ARB2A: variants seen among roughly 807,000 people sequenced by gnomAD.
ARB2A encodes the protein ARB2 cotranscriptional regulator A, also known as cotranscriptional regulator ARB2A.
the ARB2A span, among the ~76,000 whole-genome samples, chr5:93,916,280 T>C: frequency 6.6e-6 from 1 of 152,042 alleles, no homozygotes; most frequent in Non-Finnish European, 1.5e-5. Context: ...ATCAGGGCAA[T>C]AACTAAGTGA....
the ARB2A span, among the ~76,000 whole-genome samples, chr5:94,016,825 G>A: frequency 2.0e-5 from 3 of 152,334 alleles, no homozygotes; most frequent in African/African-American, 7.2e-5. Flanking sequence ...CACAAGTCAG[G>A]TAGGGATTGG....
At chr5:93,766,841 A>G in the ARB2A span, among the ~76,000 whole-genome samples, 4 of 152,166 alleles carry the variant, frequency 2.6e-5, no homozygotes, top group Non-Finnish European at 4.4e-5. Context: ...CATATACACC[A>G]TGGAATACCA....
chr5:94,105,768 GAAAAAAAA>G, the ARB2A span, among the ~76,000 whole-genome samples: 2 of 129,940 alleles, frequency 1.5e-5, no homozygotes, highest in Admixed American at 7.8e-5. Flanking sequence ...CATGGTACTG[GAAAAAAAA>G]AAAAAACAGA....
the ARB2A span, among the ~76,000 whole-genome samples, chr5:94,003,786 G>A: frequency 2.4e-4 from 36 of 152,090 alleles, no homozygotes; most frequent in African/African-American, 8.4e-4. Flanking sequence ...CTGTAAATGG[G>A]TAAGTTAATG....
chr5:93,759,480 C>T, the ARB2A span, among the ~76,000 whole-genome samples: 27,535 of 152,112 alleles, frequency 0.18, 2,851 homozygotes, highest in Middle Eastern at 0.28. Context: ...TTGACGAACA[C>T]AGATGCTAAA....
At chr5:93,697,386 ATTCT>A in the ARB2A span, among the ~76,000 whole-genome samples, 1 of 152,118 alleles carries the variant, frequency 6.6e-6, no homozygotes, top group Non-Finnish European at 1.5e-5. Flanking sequence ...TTGTTTAAAC[ATTCT>A]TTCTTATTAA....
chr5:93,926,635 T>C, the ARB2A span, among the ~76,000 whole-genome samples: 4 of 152,006 alleles, frequency 2.6e-5, no homozygotes, highest in Non-Finnish European at 5.9e-5. Context: ...AGATGAGCTA[T>C]GGTGGATGCG....
the ARB2A span, chr5:93,805,145 T>C: frequency 4.4e-5 from 43 of 983,902 alleles, no homozygotes; most frequent in Non-Finnish European, 5.1e-5. Context: ...ACAAACATGG[T>C]AACTTCTAGA....
At chr5:94,057,107 C>CG in the ARB2A span, among the ~76,000 whole-genome samples, 1 of 152,212 alleles carries the variant, frequency 6.6e-6, no homozygotes, top group Admixed American at 6.5e-5. Flanking sequence ...TTGAACTTTA[C>CG]TGTCAGCTCT....
At chr5:94,033,261 T>C in the ARB2A span, among the ~76,000 whole-genome samples, 1 of 152,174 alleles carries the variant, frequency 6.6e-6, no homozygotes, top group Non-Finnish European at 1.5e-5. Flanking sequence ...TGTTCTGCCA[T>C]TGTATTTTGG....
chr5:93,765,882 T>G, the ARB2A span, among the ~76,000 whole-genome samples: 1 of 152,068 alleles, frequency 6.6e-6, no homozygotes, highest in Admixed American at 6.6e-5. Flanking sequence ...GAAATAATGC[T>G]GCATATCTAC....
the ARB2A span, chr5:93,683,798 C>G: frequency 8.4e-7 from 1 of 1,197,146 alleles, no homozygotes; most frequent in Non-Finnish European, 1.2e-6. Flanking sequence ...CCGCGCAGGA[C>G]GGAATCACAC....
At chr5:94,013,194 T>C in the ARB2A span, among the ~76,000 whole-genome samples, 3 of 144,790 alleles carry the variant, frequency 2.1e-5, no homozygotes, top group East Asian at 3.9e-4. Flanking sequence ...TTTTTTTTTT[T>C]CTGAGACAGA....
the ARB2A span, among the ~76,000 whole-genome samples, chr5:93,864,064 G>A: frequency 6.6e-6 from 1 of 152,090 alleles, no homozygotes; most frequent in African/African-American, 2.4e-5. Context: ...CCTAACAAAT[G>A]TCAATAGTAT....
chr5:94,008,868 C>T, the ARB2A span, among the ~76,000 whole-genome samples: 1 of 152,076 alleles, frequency 6.6e-6, no homozygotes. Flanking sequence ...ACCAATTTAG[C>T]TCACAATGTG....
chr5:93,636,489 G>T, the ARB2A span, among the ~76,000 whole-genome samples: 2 of 152,136 alleles, frequency 1.3e-5, no homozygotes, highest in Admixed American at 6.6e-5. Flanking sequence ...TCCTTCACCC[G>T]CCTTCTTCCC....
chr5:93,964,916 G>A, the ARB2A span, among the ~76,000 whole-genome samples: 1 of 151,676 alleles, frequency 6.6e-6, no homozygotes, highest in Non-Finnish European at 1.5e-5. Context: ...CACCTCTTTT[G>A]TGTTCACTGA....
the ARB2A span, chr5:93,860,593 G>T: frequency 6.6e-6 from 1 of 151,376 alleles, no homozygotes; most frequent in South Asian, 2.1e-4. Flanking sequence ...TGAAAGACAG[G>T]GAGAAGGATG....
At chr5:93,634,412 A>T in the ARB2A span, among the ~76,000 whole-genome samples, 927 of 151,980 alleles carry the variant, frequency 6.1e-3, 6 homozygotes, top group Non-Finnish European at 0.01. Flanking sequence ...AAAACAAAAA[A>T]CAAAAAACAA....
Sources: gnomAD v4.1 joint callset for allele counts (sites outside exome capture counted in the v4.1 genomes callset) on GRCh38, gnomAD v4.1.1 for gene constraint, MANE v1.5 for transcripts, NCBI Gene and HGNC (gene_info 2026-07-23, HGNC 2026-07-21) for gene names.